Variants in KCNT2 observed in about 807,000 individuals in gnomAD.
KCNT2 encodes potassium sodium-activated channel subfamily T member 2.
In KCNT2, 67 loss-of-function variants were observed where a neutral mutation model predicts 153.8. That is an observed-to-expected ratio of 0.44 (90% CI 0.36 to 0.53). The LOEUF (loss-of-function observed/expected upper bound fraction) is 0.53, where lower values mean the gene tolerates loss of function less well. Among genes scored for constraint, KCNT2 ranks in the 20% least tolerant of loss-of-function variants. The pLI is 0.00. For synonymous variants in KCNT2, 500 were observed against 458.8 expected (o/e 1.09, Z -1.15); for missense variants, 975 against 1,354.8 (o/e 0.72, Z 4.40).
intron 6 of KCNT2, 45 bp downstream of exon 6, chr1:196,468,949 A>C (rs1233293619): frequency 9.0e-7 from 1 of 1,110,760 alleles, no homozygotes; most frequent in Non-Finnish European, 1.4e-6. Context: ...ATTTTACTTA[A>C]GTCTAATTAC....
At chr1:196,557,645 G>A (rs752525873) in intron 1 of KCNT2, among the ~76,000 whole-genome samples, 21 of 151,038 alleles carry the variant, frequency 1.4e-4, no homozygotes, top group African/African-American at 1.9e-4. Flanking sequence ...TAATAGCAAT[G>A]TTATTCTATT....
intron 13 of KCNT2, among the ~76,000 whole-genome samples, chr1:196,387,980 G>A (rs1378246310): frequency 6.7e-6 from 1 of 149,538 alleles, no homozygotes; most frequent in Non-Finnish European, 1.5e-5. Context: ...TCTCAGCTAA[G>A]AAATATTTGC....
chr1:196,280,359 T>A (rs887118226), intron 25 of KCNT2, among the ~76,000 whole-genome samples: 1 of 152,230 alleles, frequency 6.6e-6, no homozygotes, highest in Non-Finnish European at 1.5e-5. Context: ...CTGACACTAC[T>A]CTTATACTCA....
At chr1:196,311,139 T>C (rs546127567) in intron 21 of KCNT2, among the ~76,000 whole-genome samples, 89 of 152,014 alleles carry the variant, frequency 5.9e-4, no homozygotes, top group South Asian at 3.1e-3. Context: ...TCTGAGTCTA[T>C]ATACAATTCT....
chr1:196,472,691 G>A (rs926747338), intron 5 of KCNT2, among the ~76,000 whole-genome samples: 1 of 151,952 alleles, frequency 6.6e-6, no homozygotes, highest in Non-Finnish European at 1.5e-5. Context: ...CAAAAATCTT[G>A]GAGAAACTTT....
intron 1 of KCNT2, among the ~76,000 whole-genome samples, chr1:196,530,239 G>A (rs967047998): frequency 2.6e-5 from 4 of 151,916 alleles, no homozygotes; most frequent in Non-Finnish European, 4.4e-5. Flanking sequence ...CAAAATGTTA[G>A]GAGGAGATTT....
rs181038179 is a variant in KCNT2 at position 196,481,774 on chromosome 1, C to T, written c.324+557G>A. ...CACCTCAACAATATAAATCAGACAT[C>T]TTGTGCTCTGTCATATTTTCTTAGC... is the stretch of plus-strand genomic sequence containing the variant. On this transcript the variant is annotated intron_variant, in intron 4 of 27. Transcript: ENST00000294725. Among the ~76,000 whole-genome samples the T allele has an allele frequency of 1.0e-3, 159 of 152,226 alleles. 1 individual carries two copies. The highest frequency in any genetic ancestry group is 1.9e-3 in the Non-Finnish European group (131 of 67,978).
At chr1:196,489,788 C>T (rs1471111545) in intron 3 of KCNT2, 50 bp downstream of exon 3, 1 of 1,012,960 alleles carries the variant, frequency 9.9e-7, no homozygotes, top group Admixed American at 2.3e-5. Context: ...TGTGATACAA[C>T]TCAAAATAAT....
chr1:196,507,552 A>G (rs921548510), intron 1 of KCNT2, among the ~76,000 whole-genome samples: 12 of 152,086 alleles, frequency 7.9e-5, no homozygotes, highest in African/African-American at 2.9e-4. Flanking sequence ...TGGAGGGGTA[A>G]CTCAGCAATT....
chr1:196,351,791 A>G lies in KCNT2; in HGVS notation c.1404-9563T>C, dbSNP rs545770522. 3.1e-3 allele frequency among the ~76,000 whole-genome samples: 478 copies of G among 152,306 alleles called. 1 individual carries two copies. Among genetic ancestry groups the G allele is most frequent in the African/African-American group, 0.011 (438 of 41,572 alleles). ...CATCCCTGTCTTGTACCAGTTTTCA[A>G]AGGGAATGCTTCCAGTTTTTGCCCA... On this transcript the variant is annotated intron_variant, in intron 14 of 27. Transcript: ENST00000294725.
chr1:196,571,135 T>G (rs920455727), intron 1 of KCNT2, among the ~76,000 whole-genome samples: 2 of 152,118 alleles, frequency 1.3e-5, no homozygotes, highest in Admixed American at 6.6e-5. Context: ...TGAGACATGC[T>G]CAACACATAT....
chr1:196,465,247 A>G, intron 8 of KCNT2, 46 bp downstream of exon 8: 1 of 1,009,724 alleles, frequency 9.9e-7, no homozygotes, highest in Non-Finnish European at 1.5e-6. Flanking sequence ...TTTAGAAATT[A>G]TAATTAAATG....
chr1:196,510,543 T>C (rs1416971), intron 1 of KCNT2, among the ~76,000 whole-genome samples: 130,403 of 152,226 alleles, frequency 0.86, 56,703 homozygotes, highest in South Asian at 0.99. Flanking sequence ...AACAGACATT[T>C]TAGAAACTTT....
intron 25 of KCNT2, among the ~76,000 whole-genome samples, chr1:196,263,069 A>C (rs76998398): frequency 0.022 from 3,297 of 152,258 alleles, 103 homozygotes; most frequent in African/African-American, 0.074. Context: ...ATTTGATGGA[A>C]TGACAAAAAT....
chr1:196,363,459 G>A (rs1667788410), intron 14 of KCNT2, among the ~76,000 whole-genome samples: 1 of 152,098 alleles, frequency 6.6e-6, no homozygotes, highest in Non-Finnish European at 1.5e-5. Context: ...AGCCTTAAGT[G>A]TTGCTAGGAT....
In KCNT2 at chr1:196,258,585, A is replaced by T. The variant is rs1656723960; in HGVS notation, c.2911-91T>A. ...ATATTTTATTTGCTAATATATTGTT[A>T]TATTTCTACTCAGGAGAGTTTTCAC... is the stretch of plus-strand genomic sequence containing the variant. On this transcript the variant is annotated intron_variant, in intron 25 of 27. Transcript: ENST00000294725. The T allele has an allele frequency of 3.9e-6, 4 of 1,025,606 alleles. No homozygotes were observed. In the South Asian group the frequency reaches 6.0e-5, roughly 15 times the overall value. The allele number at this position is 1,025,606 out of a possible 1,614,324, so 63.5% of individuals were successfully genotyped here.
intron 1 of KCNT2, among the ~76,000 whole-genome samples, chr1:196,514,761 T>C (rs1681914271): frequency 6.6e-6 from 1 of 151,958 alleles, no homozygotes; most frequent in South Asian, 2.1e-4. Flanking sequence ...TTTATTTCTA[T>C]TTTTTGATGC....
At chr1:196,596,228 T>G (rs1015893034) in intron 1 of KCNT2, among the ~76,000 whole-genome samples, 2 of 151,962 alleles carry the variant, frequency 1.3e-5, no homozygotes, top group African/African-American at 4.8e-5. Context: ...GTGACTTCTT[T>G]TCCTTTGAGT....
intron 3 of KCNT2, among the ~76,000 whole-genome samples, chr1:196,486,645 G>A (rs1171316415): frequency 6.6e-6 from 1 of 151,738 alleles, no homozygotes; most frequent in East Asian, 1.9e-4. Context: ...TTAACATGCA[G>A]GACATAATTC....
Sources: gnomAD v4.1 joint callset for allele counts (sites outside exome capture counted in the v4.1 genomes callset) on GRCh38, gnomAD v4.1.1 for gene constraint, MANE v1.5 for transcripts, NCBI Gene and HGNC (gene_info 2026-07-23, HGNC 2026-07-21) for gene names.